LRBA: variants seen among roughly 807,000 people sequenced by gnomAD.
LRBA encodes LPS responsive beige-like anchor protein.
Under a neutral mutation model 330.0 loss-of-function variants are expected in LRBA, and 176 were observed. The ratio of observed to expected loss-of-function variants is 0.53; its 90% CI spans 0.47 to 0.60. The LOEUF is 0.60. Among genes scored for constraint, LRBA ranks in the 20% least tolerant of loss-of-function variants. The pLI is 0.00. For missense variants in LRBA, 3,259 were observed against 3,444.8 expected, an observed-to-expected ratio of 0.95 and a Z score of 1.35; for synonymous variants, 1,230 against 1,193.0, an observed-to-expected ratio of 1.03 and a Z score of -0.64.
At chr4:150,406,322 G>C (rs1239132008) in intron 47 of LRBA, among the ~76,000 whole-genome samples, 1 of 151,944 alleles carries the variant, frequency 6.6e-6, no homozygotes, top group Non-Finnish European at 1.5e-5. Context: ...TTATGCTATT[G>C]GATGCTATCT....
At chr4:150,823,719 C>T (rs559301281) in intron 30 of LRBA, among the ~76,000 whole-genome samples, 289 of 152,258 alleles carry the variant, frequency 1.9e-3, no homozygotes, top group Non-Finnish European at 3.2e-3. Context: ...ACTGTCCTTT[C>T]CCCATTGCAT....
At chr4:150,870,646 G>A (rs1438726089) in intron 19 of LRBA, 40 bp from the exon 20 acceptor site, 1 of 915,962 alleles carries the variant, frequency 1.1e-6, no homozygotes, top group Admixed American at 1.8e-5. Context: ...GCAAATCACT[G>A]GATTAGCATC....
At chr4:150,425,624 C>G (rs1298929966) in intron 46 of LRBA, among the ~76,000 whole-genome samples, 1 of 152,126 alleles carries the variant, frequency 6.6e-6, no homozygotes, top group African/African-American at 2.4e-5. Flanking sequence ...ATATGAACAA[C>G]CTTTGCAGCC....
chr4:150,353,303 G>C (rs1185508418), intron 47 of LRBA, among the ~76,000 whole-genome samples: 2 of 151,858 alleles, frequency 1.3e-5, no homozygotes. Context: ...ACACACTATT[G>C]AAACAATAAA....
rs372997346 is a variant in LRBA at position 150,583,788 on chromosome 4, G to A, written c.6330+4260C>T. On this transcript the variant is annotated intron_variant, in intron 40 of 56. Coordinates refer to ENST00000651943, the MANE Select transcript of LRBA (RefSeq NM_001364905.1). This position sits in a 1 kb window ranked among gnomAD's most constrained non-coding sequence, Gnocchi z 9.8. ...GCTGCCGAAACAAGTGCCTCTCAGT[G>A]CTGAAGACTCTGCGGGACCGCCACC... 3.7e-6 allele frequency: 6 copies of A among 1,614,060 alleles called. No homozygotes were observed. The highest frequency in any genetic ancestry group is 1.3e-5 in the African/African-American group (1 of 74,934).
chr4:150,557,772 A>T (rs566554096), intron 40 of LRBA, among the ~76,000 whole-genome samples: 1 of 152,334 alleles, frequency 6.6e-6, no homozygotes, highest in South Asian at 2.1e-4. Flanking sequence ...TATCATAGCT[A>T]CATGCTATCA....
At chr4:150,964,227 C>T (rs1738614346) in intron 2 of LRBA, among the ~76,000 whole-genome samples, 1 of 147,942 alleles carries the variant, frequency 6.8e-6, no homozygotes, top group Non-Finnish European at 1.5e-5. Context: ...TGCCCGGCCG[C>T]CACCCTGTCT....
At position 150,852,287 on chromosome 4, in the gene LRBA, G is replaced by T; in HGVS notation, c.3423C>A (p.Ala1141=). The stretch of plus-strand genomic sequence containing the variant: ...TACCAAACATGTCCAGTTTTTCACC[G>T]GCTTCAGATGCAGCTGGAGACAAAC... ...DNSLSPAASE[A]GEKLDMFGND... is the part of the protein sequence containing the mutation. Residue 1141 remains alanine (A), a synonymous_variant, in exon 23 of 57, where the codon GCC becomes GCA. Coordinates refer to ENST00000651943, the MANE Select transcript of LRBA (RefSeq NM_001364905.1). 1 of 1,613,998 alleles carries T rather than the reference G, an allele frequency of 6.2e-7. No individual in the cohort carries two copies. Among genetic ancestry groups the T allele is most frequent in the Non-Finnish European group, 8.5e-7 (1 of 1,180,002 alleles).
At chr4:150,919,027 G>C (rs1187109007) in intron 5 of LRBA, among the ~76,000 whole-genome samples, 1 of 152,018 alleles carries the variant, frequency 6.6e-6, no homozygotes, top group African/African-American at 2.4e-5. Flanking sequence ...GTTGACAAAT[G>C]ATTAAATAAA....
intron 36 of LRBA, among the ~76,000 whole-genome samples, chr4:150,713,502 G>A (rs1786436320): frequency 6.6e-6 from 1 of 152,190 alleles, no homozygotes; most frequent in South Asian, 2.1e-4. Context: ...AAGTCCAGGA[G>A]ATTGATTTTC....
intron 46 of LRBA, among the ~76,000 whole-genome samples, chr4:150,435,280 G>C (rs1750963160): frequency 6.6e-6 from 1 of 152,158 alleles, no homozygotes; most frequent in South Asian, 2.1e-4. Flanking sequence ...GAACCCTAGA[G>C]GTGGAGGTGG....
intron 40 of LRBA, among the ~76,000 whole-genome samples, chr4:150,494,182 T>C (rs74917181): frequency 0.16 from 24,314 of 152,152 alleles, 1,957 homozygotes; most frequent in Middle Eastern, 0.18. Context: ...TATACCCAGG[T>C]TTTCTAACCC....
intron 36 of LRBA, among the ~76,000 whole-genome samples, chr4:150,706,609 A>C (rs967918406): frequency 3.3e-5 from 5 of 151,620 alleles, no homozygotes; most frequent in African/African-American, 1.2e-4. Context: ...CAAAAAAAAA[A>C]AATTTAACTT....
intron 2 of LRBA, among the ~76,000 whole-genome samples, chr4:150,949,233 C>T (rs1736557090): frequency 1.3e-5 from 2 of 152,088 alleles, no homozygotes; most frequent in African/African-American, 4.8e-5. Flanking sequence ...AACTGTAGTA[C>T]ATCCATACCA....
chr4:150,468,516 T>G (rs1755720104), intron 43 of LRBA, among the ~76,000 whole-genome samples: 1 of 152,040 alleles, frequency 6.6e-6, no homozygotes, highest in Non-Finnish European at 1.5e-5. Context: ...ACAGCAGTTT[T>G]TTGGATATTA....
Position 150,435,585 on chromosome 4 carries a change from G to A in LRBA, c.7041+4C>T, listed in dbSNP as rs200197884. 6.2e-7 allele frequency: 1 copy of A among 1,601,030 alleles called. No individual in the cohort carries two copies. The highest frequency in any genetic ancestry group is 2.2e-5 in the East Asian group (1 of 44,666). ...AACAACTATAAAACAAAACATTTCT[G>A]TACCTTAATATCAGAGGTATCACGC... On this transcript the variant is annotated splice_donor_region_variant and intron_variant, in intron 46 of 56. Transcript: ENST00000651943.
At position 150,889,413 on chromosome 4, in the gene LRBA, C is replaced by T. The variant is rs760741621; in HGVS notation, c.2165+3639G>A. ...ATCCCCTCACTTTAGGAGGCCAAGG[C>T]GGGCAGATCATGAGGTCAGGTGATC... is the stretch of plus-strand genomic sequence containing the variant. On this transcript the variant is annotated intron_variant, in intron 17 of 56. Transcript: ENST00000651943. 3.9e-5 allele frequency among the ~76,000 whole-genome samples: 6 copies of T among 152,168 alleles called. No homozygotes were observed. The South Asian group carries it at 1.0e-3, about 26-fold the overall frequency.
chr4:150,901,035 C>T (rs998015784), intron 13 of LRBA, among the ~76,000 whole-genome samples: 2 of 152,154 alleles, frequency 1.3e-5, no homozygotes, highest in African/African-American at 2.4e-5. Context: ...CAGTGATTCA[C>T]GCCTGTAATT....
chr4:150,890,377 G>A (rs1038485531), intron 17 of LRBA, among the ~76,000 whole-genome samples: 2 of 152,096 alleles, frequency 1.3e-5, no homozygotes, highest in African/African-American at 4.8e-5. Flanking sequence ...AAATCTAACA[G>A]GACAAGGGCA....
Sources: allele counts gnomAD v4.1 joint callset (sites outside exome capture counted in the v4.1 genomes callset), GRCh38; gene constraint gnomAD v4.1.1; non-coding constraint Gnocchi (gnomAD v3.1); transcripts MANE v1.5; gene names NCBI Gene and HGNC (gene_info 2026-07-23, HGNC 2026-07-21).